SNX30: variants seen among roughly 807,000 people sequenced by gnomAD.
SNX30 encodes sorting nexin-30.
In SNX30, 24 loss-of-function variants were observed where a neutral mutation model predicts 46.4. The ratio of observed to expected loss-of-function variants is 0.52; its 90% CI spans 0.37 to 0.73. SNX30 has a LOEUF of 0.73. SNX30 is among the 30% of genes least tolerant of loss of function. The probability of loss-of-function intolerance (pLI) is 0.00; values close to 1 mark genes in which losing one functional copy is unlikely to be tolerated. For missense variants in SNX30, 533 were observed against 555.7 expected, an observed-to-expected ratio of 0.96 and a Z score of 0.41; for synonymous variants, 189 against 211.5, an observed-to-expected ratio of 0.89 and a Z score of 0.92.
At chr9:112,770,166 T>A (rs905777534) in intron 1 of SNX30, among the ~76,000 whole-genome samples, 19 of 152,128 alleles carry the variant, frequency 1.2e-4, no homozygotes, top group Non-Finnish European at 2.2e-4. Context: ...TTTTTAAATT[T>A]AATTAATTAA....
intron 1 of SNX30, among the ~76,000 whole-genome samples, chr9:112,785,439 A>G (rs965748486): frequency 1.3e-4 from 19 of 147,008 alleles, no homozygotes; most frequent in African/African-American, 4.3e-4. Context: ...GCTGGAGTGC[A>G]GTGGCACAAT....
At chr9:112,860,927 G>C (rs149345554) in intron 7 of SNX30, among the ~76,000 whole-genome samples, 20 of 152,328 alleles carry the variant, frequency 1.3e-4, no homozygotes, top group Admixed American at 9.8e-4. Context: ...GTGTGTCACA[G>C]GTGTGCAATG....
chr9:112,837,882 C>A (rs4978506), intron 5 of SNX30, among the ~76,000 whole-genome samples: 127,626 of 137,586 alleles, frequency 0.93, 59,258 homozygotes, highest in East Asian at 0.99. Flanking sequence ...GCGAGTGGTT[C>A]TTTTCTTTTT....
intron 1 of SNX30, among the ~76,000 whole-genome samples, chr9:112,756,552 C>T (rs866543673): frequency 1.3e-5 from 2 of 149,442 alleles, no homozygotes; most frequent in Admixed American, 6.8e-5. Context: ...CCTCTGCCTC[C>T]AGGGTTCAAG....
downstream of SNX30, among the ~76,000 whole-genome samples, chr9:112,876,461 A>T (rs902923245): frequency 3.9e-5 from 6 of 152,148 alleles, no homozygotes; most frequent in African/African-American, 1.4e-4. Context: ...ATTAAAAATC[A>T]AAAAAGATGG....
chr9:112,815,809 G>C lies in SNX30; in HGVS notation c.349-1896G>C, dbSNP rs1359326433. Among the ~76,000 whole-genome samples the C allele has an allele frequency of 2.6e-5, 4 of 152,080 alleles. No individual in the cohort carries two copies. In the East Asian group the frequency reaches 7.7e-4, roughly 29 times the overall value. On this transcript the variant is annotated intron_variant, in intron 2 of 8. Coordinates refer to ENST00000374232, the MANE Select transcript of SNX30 (RefSeq NM_001012994.2). The stretch of plus-strand genomic sequence containing the variant: ...GGCAAGTTCTCACATGGAGCCTATC[G>C]GGGGGAGATGGGAGGTCTTGAACTT...
At chr9:112,812,372 C>T (rs955408252) in intron 2 of SNX30, among the ~76,000 whole-genome samples, 6 of 152,128 alleles carry the variant, frequency 3.9e-5, no homozygotes, top group Non-Finnish European at 1.5e-5. Flanking sequence ...TCTCCTGCCT[C>T]AGCCTCCCGA....
chr9:112,837,197 GA>G (rs546696027), intron 5 of SNX30, among the ~76,000 whole-genome samples: 1 of 151,890 alleles, frequency 6.6e-6, no homozygotes, highest in Non-Finnish European at 1.5e-5. Context: ...CTTTACGGGG[GA>G]AAAAAATCAA....
downstream of SNX30, among the ~76,000 whole-genome samples, chr9:112,883,500 A>C (rs1015639032): frequency 6.6e-6 from 1 of 151,608 alleles, no homozygotes; most frequent in Non-Finnish European, 1.5e-5. Context: ...AATTACCATA[A>C]AGGATTGTTT....
At chr9:112,830,219 T>C (rs1840640281) in intron 3 of SNX30, among the ~76,000 whole-genome samples, 1 of 152,154 alleles carries the variant, frequency 6.6e-6, no homozygotes, top group Admixed American at 6.5e-5. Context: ...AACCAAAAAA[T>C]TGGCCTATAA....
intron 1 of SNX30, among the ~76,000 whole-genome samples, chr9:112,755,849 A>G (rs1014559266): frequency 1.3e-5 from 2 of 152,016 alleles, no homozygotes; most frequent in Non-Finnish European, 2.9e-5. Flanking sequence ...TCTATAAACA[A>G]GCTTCCCAGC....
At chr9:112,807,610 C>A (rs1041815544) in intron 2 of SNX30, among the ~76,000 whole-genome samples, 2 of 152,168 alleles carry the variant, frequency 1.3e-5, no homozygotes, top group Non-Finnish European at 2.9e-5. Context: ...GAAAGGTAAG[C>A]CTGTTTTTCT....
At chr9:112,810,377 G>A (rs939502781) in intron 2 of SNX30, among the ~76,000 whole-genome samples, 5 of 152,148 alleles carry the variant, frequency 3.3e-5, no homozygotes, top group African/African-American at 1.2e-4. Context: ...GAGCAAGTGG[G>A]TTTTTACGAG....
upstream of SNX30, chr9:112,750,735 G>GGTGTGGCT (rs1564255456): frequency 1.3e-5 from 2 of 150,756 alleles, no homozygotes; most frequent in African/African-American, 4.9e-5. Flanking sequence ...GCGGGTGGGC[G>GGTGTGGCT]GTGTGGCTGT....
chr9:112,770,664 T>C (rs1405815266), intron 1 of SNX30, among the ~76,000 whole-genome samples: 1 of 152,112 alleles, frequency 6.6e-6, no homozygotes, highest in East Asian at 1.9e-4. Flanking sequence ...CTTGTTCATC[T>C]ATTTCATTCA....
chr9:112,794,412 A>C (rs1405435414), intron 1 of SNX30, among the ~76,000 whole-genome samples: 1 of 152,140 alleles, frequency 6.6e-6, no homozygotes, highest in Non-Finnish European at 1.5e-5. Context: ...CGACCTCCCA[A>C]AGTGCTGGGA....
At chr9:112,856,192 C>T (rs1841124549) in intron 7 of SNX30, among the ~76,000 whole-genome samples, 1 of 151,982 alleles carries the variant, frequency 6.6e-6, no homozygotes, top group Admixed American at 6.6e-5. Context: ...AGGCCCTGAC[C>T]CACGGGTAGC....
Position 112,836,311 on chromosome 9 carries a change from C to T in SNX30, c.716C>T (p.Pro239Leu), listed in dbSNP as rs760387588. Residue 239 changes from proline (P) to leucine (L), a missense_variant, in exon 5 of 9, where the codon CCG (proline) becomes CTG (leucine). Pro to Leu is a moderately conservative substitution (Grantham distance 98, BLOSUM62 -3). This residue lies in a region of SNX30 where 261 missense variants were observed against 270.9 expected (regional missense o/e 0.96). Coordinates refer to ENST00000374232, the MANE Select transcript of SNX30 (RefSeq NM_001012994.2). ...VTGGYKLRTR[P>L]LEFAAIGDYL... ...GGCGGCTACAAGCTGAGGACTCGGC[C>T]GCTTGAGTTTGCTGCCATAGGTGAC... The T allele has an allele frequency of 3.7e-6, 6 of 1,613,412 alleles. No individual in the cohort carries two copies. Among genetic ancestry groups the T allele is most frequent in the Middle Eastern group, 1.6e-4 (1 of 6,082 alleles).
intron 1 of SNX30, among the ~76,000 whole-genome samples, chr9:112,782,619 C>T (rs1015954640): frequency 1.3e-5 from 2 of 152,220 alleles, no homozygotes; most frequent in Admixed American, 6.5e-5. Context: ...ACCAAAAAAT[C>T]CATCAGCATT....
Sources: gnomAD v4.1 joint callset for allele counts (sites outside exome capture counted in the v4.1 genomes callset) on GRCh38, gnomAD v4.1.1 for gene constraint, gnomAD v4.1.1 regional missense constraint, MANE v1.5 for transcripts, NCBI Gene and HGNC (gene_info 2026-07-23, HGNC 2026-07-21) for gene names.